The following GOLGA3 variants were observed in gnomAD, a reference collection of about 807,000 sequenced individuals.
GOLGA3 encodes the protein golgin A3.
A neutral mutation model predicts 169.4 loss-of-function variants in GOLGA3; 75 were observed. That is an observed-to-expected ratio of 0.44 (90% CI 0.37 to 0.54). The LOEUF (loss-of-function observed/expected upper bound fraction) is 0.54, where lower values mean the gene tolerates loss of function less well. Ranked by LOEUF, GOLGA3 falls within the 20% of genes least tolerant of loss-of-function variation. The probability of loss-of-function intolerance (pLI) is 0.00; values close to 1 mark genes in which losing one functional copy is unlikely to be tolerated. For synonymous variants in GOLGA3, 824 were observed against 822.4 expected (o/e 1.00, Z -0.03); for missense variants, 1,899 against 1,930.0 (o/e 0.98, Z 0.30).
intron 9 of GOLGA3, 133 bp downstream of exon 9, chr12:132,798,207 G>T: frequency 1.4e-6 from 1 of 738,804 alleles, no homozygotes; most frequent in Non-Finnish European, 2.0e-6. Flanking sequence ...GCCTTAACGA[G>T]CAGTCACTGC....
intron 1 of GOLGA3, among the ~76,000 whole-genome samples, chr12:132,825,024 G>A (rs1201262396): frequency 2.6e-5 from 4 of 152,130 alleles, no homozygotes; most frequent in East Asian, 3.8e-4. Context: ...AAACTGGCAC[G>A]GAGGACTACA....
At chr12:132,781,008 C>T in intron 17 of GOLGA3, 94 bp from the exon 18 acceptor site, 1 of 857,108 alleles carries the variant, frequency 1.2e-6, no homozygotes, top group Non-Finnish European at 2.0e-6. Flanking sequence ...CGCCACATCA[C>T]AGGCACACGC....
chr12:132,812,196 C>CACACACAG (rs1338640177), intron 4 of GOLGA3, among the ~76,000 whole-genome samples: 1 of 114,792 alleles, frequency 8.7e-6, no homozygotes, highest in Non-Finnish European at 2.0e-5. Context: ...TCAAAATACA[C>CACACACAG]ACACACACAC....
intron 20 of GOLGA3, 69 bp downstream of exon 20, chr12:132,776,889 G>A: frequency 6.5e-7 from 1 of 1,544,692 alleles, no homozygotes; most frequent in African/African-American, 1.4e-5. Context: ...TCCCCAAGCA[G>A]GATGGAGTGA....
At chr12:132,794,507 G>A (rs1246481094) in intron 11 of GOLGA3, among the ~76,000 whole-genome samples, 1 of 152,114 alleles carries the variant, frequency 6.6e-6, no homozygotes, top group African/African-American at 2.4e-5. Context: ...CCAAGACAAG[G>A]TCACTGCTAC....
chr12:132,781,314 C>T (rs2045594934), intron 17 of GOLGA3, among the ~76,000 whole-genome samples: 1 of 152,140 alleles, frequency 6.6e-6, no homozygotes, highest in Admixed American at 6.5e-5. Flanking sequence ...GTAATCCCAG[C>T]ACTTTGGGAG....
chr12:132,769,397 G>C lies in GOLGA3; in HGVS notation c.*3708C>G, dbSNP rs1243915278. ...CTCGGTTGTGGGAACCCTGCACCAA[G>C]GAGAGTTGAGGGCCAGCTCCTTAGC... is the stretch of plus-strand genomic sequence containing the variant. On this transcript the variant is annotated 3_prime_UTR_variant, in exon 24 of 24. Coordinates refer to ENST00000450791, the MANE Select transcript of GOLGA3 (RefSeq NM_001389683.1). 1 of 152,244 alleles carries C rather than the reference G, an allele frequency of 6.6e-6. No individual in the cohort carries two copies. Among genetic ancestry groups the C allele is most frequent in the African/African-American group, 2.4e-5 (1 of 41,450 alleles). 9.4% of individuals were successfully genotyped at this position (152,244 alleles called of 1,614,324 possible). A position where few individuals can be genotyped will look rare whatever the true frequency, so the allele number is the denominator to read the frequency against.
At chr12:132,774,048 C>G in intron 23 of GOLGA3, 109 bp downstream of exon 23, 1 of 1,026,350 alleles carries the variant, frequency 9.7e-7, no homozygotes, top group Non-Finnish European at 1.4e-6. Context: ...TTATATAAAC[C>G]TGCTGAAACT....
chr12:132,791,327 C>T (rs781649670), intron 11 of GOLGA3, 34 bp from the exon 12 acceptor site: 46 of 1,255,402 alleles, frequency 3.7e-5, no homozygotes, highest in Middle Eastern at 1.9e-4. Context: ...ATTACACTGA[C>T]GGCTCCAGGA....
At chr12:132,783,513 G>GC (rs1180186581) in intron 16 of GOLGA3, among the ~76,000 whole-genome samples, 95,814 of 148,728 alleles carry the variant, frequency 0.64, 31,351 homozygotes, top group East Asian at 0.78. Flanking sequence ...GGGAGTGGGG[G>GC]GCGCCGGGAC....
At chr12:132,801,493 G>A (rs181009968) in intron 8 of GOLGA3, among the ~76,000 whole-genome samples, 51 of 152,272 alleles carry the variant, frequency 3.3e-4, no homozygotes, top group African/African-American at 1.2e-3. Context: ...AGGATTCACC[G>A]GCATGTGTCA....
intron 4 of GOLGA3, among the ~76,000 whole-genome samples, chr12:132,808,988 C>A (rs888633917): frequency 1.3e-5 from 2 of 152,142 alleles, no homozygotes; most frequent in Non-Finnish European, 2.9e-5. Flanking sequence ...GCGCGGAGAC[C>A]GGTAGTGGCC....
chr12:132,813,488 C>G, intron 3 of GOLGA3, 69 bp from the exon 4 acceptor site: 1 of 851,042 alleles, frequency 1.2e-6, no homozygotes, highest in Non-Finnish European at 1.9e-6. Context: ...GGCACAAGAA[C>G]TTGGTCATTT....
At chr12:132,801,530 A>G (rs1949125976) in intron 8 of GOLGA3, among the ~76,000 whole-genome samples, 1 of 152,104 alleles carries the variant, frequency 6.6e-6, no homozygotes. Context: ...AGGCTTTGGA[A>G]CTGAAAATGC....
At chr12:132,801,733 G>A (rs753966183) in intron 8 of GOLGA3, 34 bp downstream of exon 8, 38 of 1,576,856 alleles carry the variant, frequency 2.4e-5, no homozygotes, top group Non-Finnish European at 3.0e-5. Flanking sequence ...GACAAGAAGC[G>A]TGACCTGCCC....
chr12:132,793,718 A>T lies in GOLGA3; in HGVS notation c.2469+2134T>A, dbSNP rs569542218. Among the ~76,000 whole-genome samples, 186 of 146,602 alleles carry T rather than the reference A, an allele frequency of 1.3e-3. 1 individual carries two copies. Among genetic ancestry groups the T allele is most frequent in the African/African-American group, 4.4e-3 (169 of 38,826 alleles). On this transcript the variant is annotated intron_variant, in intron 11 of 23. Transcript: ENST00000450791. ...GACCCGCACTCGGAGGGCTCCACAC[A>T]GACCCACCACACGGGATCTGCACTC...
chr12:132,780,950 C>G (rs199521533), intron 17 of GOLGA3, 36 bp from the exon 18 acceptor site: 4 of 1,489,470 alleles, frequency 2.7e-6, no homozygotes, highest in Non-Finnish European at 3.7e-6. Context: ...TAAGGAAGGA[C>G]GTCGAATTAC....
intron 22 of GOLGA3, chr12:132,774,915 A>G: frequency 1.8e-6 from 1 of 569,270 alleles, no homozygotes. Context: ...ACATTACAAC[A>G]AAGTGGTATT....
chr12:132,776,960 C>T lies in GOLGA3; in HGVS notation c.3853G>A (p.Glu1285Lys), dbSNP rs1404756733. The change falls in exon 20 of 24, where the codon GAG (glutamate) becomes AAG (lysine). Residue 1285 changes from glutamate (E) to lysine (K), a missense_variant and splice_region_variant. Coordinates refer to ENST00000450791, the MANE Select transcript of GOLGA3 (RefSeq NM_001389683.1). Reference sequence around the variant, plus strand: ...GTCCAGCCCCCGTGAACCGTCACCTCTTGGTTTCCCACGGGCTGTTTGCTG... The same window carrying T: ...GTCCAGCCCCCGTGAACCGTCACCTTTTGGTTTCCCACGGGCTGTTTGCTG... ...QLSKQPVGNQ[E>K]MENLKWEVDQ... 1 of 1,587,598 alleles carries T rather than the reference C, an allele frequency of 6.3e-7. No homozygotes were observed. Among genetic ancestry groups the T allele is most frequent in the Admixed American group, 1.8e-5 (1 of 55,920 alleles).
Sources: gnomAD v4.1 joint callset for allele counts (sites outside exome capture counted in the v4.1 genomes callset) on GRCh38, gnomAD v4.1.1 for gene constraint, MANE v1.5 for transcripts, NCBI Gene and HGNC (gene_info 2026-07-23, HGNC 2026-07-21) for gene names.